Variants in ISG20 observed in about 807,000 individuals in gnomAD.
The protein encoded by ISG20 is interferon-stimulated gene 20 kDa protein.
A neutral mutation model predicts 11.1 loss-of-function variants in ISG20; 8 were observed. That is an observed-to-expected ratio of 0.72 (90% CI 0.42 to 1.30). ISG20 has a LOEUF of 1.30. Among genes scored for constraint, ISG20 ranks in the 50% most tolerant of loss-of-function variants. The probability of loss-of-function intolerance (pLI) is 0.01; values close to 1 mark genes in which losing one functional copy is unlikely to be tolerated. For synonymous variants in ISG20, 110 were observed against 101.7 expected (o/e 1.08, Z -0.49); for missense variants, 243 against 250.2 (o/e 0.97, Z 0.19).
intron 2 of ISG20, chr15:88,648,040 G>A (rs541471302): frequency 2.6e-5 from 4 of 152,436 alleles, no homozygotes; most frequent in East Asian, 1.9e-4. Flanking sequence ...TAGCCGGGGG[G>A]CGGGGACACC....
Position 88,639,155 on chromosome 15 carries a change from G to A in ISG20, c.-25+79G>A. The stretch of plus-strand genomic sequence containing the variant: ...GGTCCCCAGGCTGCGGGGCAGGCCA[G>A]AGGCCCTGGGACACACGGGCAGGGT... On this transcript the variant is annotated intron_variant, in intron 1 of 3. Transcript: ENST00000306072. The surrounding 1 kb of genome is among the most constrained non-coding windows in gnomAD (Gnocchi z 4.2). 1.7e-6 allele frequency: 1 copy of A among 587,024 alleles called. No individual in the cohort carries two copies. The highest frequency in any genetic ancestry group is 3.0e-6 in the Non-Finnish European group (1 of 330,304). The allele number at this position is 587,024 out of a possible 1,614,324, so 36.4% of individuals were successfully genotyped here.
At chr15:88,640,634 G>T (rs763003548) in intron 2 of ISG20, among the ~76,000 whole-genome samples, 1 of 152,096 alleles carries the variant, frequency 6.6e-6, no homozygotes, top group East Asian at 1.9e-4. Flanking sequence ...ATTGAGAAAG[G>T]GTCTAGATAG....
Position 88,639,647 on chromosome 15 carries a change from C to G in ISG20, c.228+53C>G. On this transcript the variant is annotated intron_variant, in intron 2 of 3. Coordinates refer to ENST00000306072, the MANE Select transcript of ISG20 (RefSeq NM_002201.6). The surrounding 1 kb of genome is among the most constrained non-coding windows in gnomAD (Gnocchi z 4.2). ...TTTGGAAATAACCCCTCTCCCACTT[C>G]CCTGGCCCCTCTTCCCTGGTGCCCA... 1.4e-6 allele frequency: 2 copies of G among 1,408,702 alleles called. No homozygotes were observed. Among genetic ancestry groups the G allele is most frequent in the Non-Finnish European group, 1.0e-6 (1 of 1,001,500 alleles). The allele number at this position is 1,408,702 out of a possible 1,614,324, so 87.3% of individuals were successfully genotyped here.
At chr15:88,637,085 C>T (rs149430100), upstream of ISG20, among the ~76,000 whole-genome samples, 3 of 152,310 alleles carry the variant, frequency 2.0e-5, no homozygotes, top group African/African-American at 4.8e-5. Context: ...CTGTCTCTTC[C>T]ACCTGAAGCA....
At chr15:88,653,711 C>A (rs1349459437) in intron 3 of ISG20, among the ~76,000 whole-genome samples, 2 of 149,242 alleles carry the variant, frequency 1.3e-5, no homozygotes, top group Non-Finnish European at 1.5e-5. Context: ...ACCAGCCCTC[C>A]CGCCCGCCCC....
At chr15:88,651,573 C>A in intron 2 of ISG20, 1 of 181,152 alleles carries the variant, frequency 5.5e-6, no homozygotes, top group Non-Finnish European at 1.1e-5. Context: ...TTCACTCTGA[C>A]CTCCACATGT....
chr15:88,655,401 A>G lies in ISG20; in HGVS notation c.430-14A>G, dbSNP rs572123853. Reference sequence around the variant, plus strand: ...GCCTCATCCCAAGTCCCCACTCTATACTTGTGTCTGCAGAACAGCCTGCTT... The same window carrying G: ...GCCTCATCCCAAGTCCCCACTCTATGCTTGTGTCTGCAGAACAGCCTGCTT... On this transcript the variant is annotated splice_polypyrimidine_tract_variant and intron_variant, in intron 3 of 3. Coordinates refer to ENST00000306072, the MANE Select transcript of ISG20 (RefSeq NM_002201.6). 1.9e-6 allele frequency: 3 copies of G among 1,611,376 alleles called. No homozygotes were observed. Among genetic ancestry groups the G allele is most frequent in the Admixed American group, 3.3e-5 (2 of 59,994 alleles).
chr15:88,655,472 CA>C lies in ISG20; in HGVS notation c.490del (p.Ile164SerfsTer29). The C allele has an allele frequency of 1.2e-6, 2 of 1,613,988 alleles. No homozygotes were observed. Among genetic ancestry groups the C allele is most frequent in the Non-Finnish European group, 1.7e-6 (2 of 1,180,014 alleles). On this transcript the variant is annotated frameshift_variant, in exon 4 of 4. Coordinates refer to ENST00000306072, the MANE Select transcript of ISG20 (RefSeq NM_002201.6). LOFTEE classifies it low-confidence loss of function (END_TRUNC). ...TGCGAGGGCAACGATGGAGCTCTAT[CA>C]AATCTCCCAGAGAATCCGAGCCCGC... ...EDARATMELYQISQRIRARRG... is the reference protein window; with the variant it reads ...EDARATMELYXISQRIRARRG...
chr15:88,653,561 G>A (rs554948903), intron 3 of ISG20, among the ~76,000 whole-genome samples: 6 of 152,236 alleles, frequency 3.9e-5, no homozygotes, highest in Admixed American at 2.0e-4. Context: ...AGCCCTTGCC[G>A]CTCTGTGGCT....
At position 88,639,151 on chromosome 15, in the gene ISG20, G is replaced by A. The variant is rs917227147; in HGVS notation, c.-25+75G>A. The A allele has an allele frequency of 5.1e-6, 3 of 587,064 alleles. No individual in the cohort carries two copies. The highest frequency in any genetic ancestry group is 6.1e-6 in the Non-Finnish European group (2 of 330,362). The allele number at this position is 587,064 out of a possible 1,614,324, so 36.4% of individuals were successfully genotyped here. A position where few individuals can be genotyped will look rare whatever the true frequency, so the allele number is the denominator to read the frequency against. ...TCCCGGTCCCCAGGCTGCGGGGCAG[G>A]CCAGAGGCCCTGGGACACACGGGCA... is the stretch of plus-strand genomic sequence containing the variant. On this transcript the variant is annotated intron_variant, in intron 1 of 3. Transcript: ENST00000306072. This position sits in a 1 kb window ranked among gnomAD's most constrained non-coding sequence, Gnocchi z 4.2.
In ISG20 at chr15:88,645,006, G is replaced by A. The variant is rs2058147090; in HGVS notation, c.228+5412G>A. ...GCCTCAGTCTTCATCCACATTTGGT[G>A]CAGAAATGCTTTTGTTTCTCAGTTA... On this transcript the variant is annotated intron_variant, in intron 2 of 3. Transcript: ENST00000306072. Among the ~76,000 whole-genome samples the A allele has an allele frequency of 2.6e-5, 4 of 152,354 alleles. No individual in the cohort carries two copies. The South Asian group carries it at 8.3e-4, about 32-fold the overall frequency.
upstream of ISG20, among the ~76,000 whole-genome samples, chr15:88,636,804 T>C (rs893088963): frequency 6.6e-6 from 1 of 152,218 alleles, no homozygotes; most frequent in African/African-American, 2.4e-5. Context: ...ACTGGGATTA[T>C]AGACACTAGC....
At chr15:88,654,397 C>T (rs2058340472) in intron 3 of ISG20, among the ~76,000 whole-genome samples, 1 of 152,132 alleles carries the variant, frequency 6.6e-6, no homozygotes, top group East Asian at 1.9e-4. Context: ...AAGAAAAAGC[C>T]TTTTTGAGCT....
In ISG20 at chr15:88,654,020, A is replaced by G. The variant is rs550746089; in HGVS notation, c.430-1395A>G. ...TTCACAGAAGAGGAAACAGAGGCCCAGAGAGGAAAAGTGACTTGCCCACGG... is the reference window on the plus strand; with the variant it reads ...TTCACAGAAGAGGAAACAGAGGCCCGGAGAGGAAAAGTGACTTGCCCACGG... On this transcript the variant is annotated intron_variant, in intron 3 of 3. Coordinates refer to ENST00000306072, the MANE Select transcript of ISG20 (RefSeq NM_002201.6). 4.6e-5 allele frequency among the ~76,000 whole-genome samples: 7 copies of G among 152,344 alleles called. No individual in the cohort carries two copies. In the South Asian group the frequency reaches 1.2e-3, roughly 27 times the overall value.
intron 2 of ISG20, chr15:88,647,718 G>C (rs1400679924): frequency 6.6e-6 from 1 of 152,242 alleles, no homozygotes; most frequent in Non-Finnish European, 1.5e-5. Flanking sequence ...AAATCTAACA[G>C]TAATTTTTAG....
intron 2 of ISG20, chr15:88,648,173 T>C (rs1186965961): frequency 6.6e-6 from 1 of 152,296 alleles, no homozygotes; most frequent in Non-Finnish European, 1.5e-5. Flanking sequence ...TAGCCTCCTC[T>C]CCTGGCAGCC....
At position 88,650,331 on chromosome 15, in the gene ISG20, C is replaced by T. The variant is rs370772532; in HGVS notation, c.229-1779C>T. 8.5e-6 allele frequency: 13 copies of T among 1,535,304 alleles called. No individual in the cohort carries two copies. The highest frequency in any genetic ancestry group is 1.0e-5 in the Non-Finnish European group (12 of 1,146,752). Reference sequence around the variant, plus strand: ...CAGGCTGTCCATGTGGGAGGCGAGGCGAGGAACGCGGGGCTGGGGCAGTCA... The same window carrying T: ...CAGGCTGTCCATGTGGGAGGCGAGGTGAGGAACGCGGGGCTGGGGCAGTCA... On this transcript the variant is annotated intron_variant, in intron 2 of 3. Transcript: ENST00000306072. This position sits in a 1 kb window ranked among gnomAD's most constrained non-coding sequence, Gnocchi z 4.0.
Position 88,651,217 on chromosome 15 carries a change from T to C in ISG20, c.229-893T>C, listed in dbSNP as rs762911290. ...TGTTTTAAAATCATCAGAGTAAGCCTGGGCATGTCACTCCTCTGCATTTCA... is the reference window on the plus strand; with the variant it reads ...TGTTTTAAAATCATCAGAGTAAGCCCGGGCATGTCACTCCTCTGCATTTCA... On this transcript the variant is annotated intron_variant, in intron 2 of 3. Coordinates refer to ENST00000306072, the MANE Select transcript of ISG20 (RefSeq NM_002201.6). The C allele has an allele frequency of 5.1e-6, 5 of 985,314 alleles. No homozygotes were observed. The African/African-American group carries it at 8.7e-5, about 17-fold the overall frequency. 61.0% of individuals were successfully genotyped at this position (985,314 alleles called of 1,614,324 possible). A position where few individuals can be genotyped will look rare whatever the true frequency, so the allele number is the denominator to read the frequency against.
At position 88,641,926 on chromosome 15, in the gene ISG20, C is replaced by CTTTTT. The variant is rs140178121; in HGVS notation, c.228+2355_228+2359dup. On this transcript the variant is annotated intron_variant, in intron 2 of 3. Coordinates refer to ENST00000306072, the MANE Select transcript of ISG20 (RefSeq NM_002201.6). ...AGCCACTGCACCTGGTTAGCTTCCT[C>CTTTTT]TTTTTTTTTTTTTTTTTTTTTTTTT... 9.7e-3 allele frequency among the ~76,000 whole-genome samples: 996 copies of CTTTTT among 102,756 alleles called. 32 individuals carry two copies. The highest frequency in any genetic ancestry group is 0.021 in the Middle Eastern group (3 of 142). The allele number at this position is 102,756 out of a possible 152,430, so 67.4% of individuals were successfully genotyped here.
Sources: allele counts gnomAD v4.1 joint callset (sites outside exome capture counted in the v4.1 genomes callset), GRCh38; gene constraint gnomAD v4.1.1; non-coding constraint Gnocchi (gnomAD v3.1); transcripts MANE v1.5; gene names NCBI Gene and HGNC (gene_info 2026-07-23, HGNC 2026-07-21).